The following TRPM3 variants were observed in gnomAD, a reference collection of about 807,000 sequenced individuals.
The protein encoded by TRPM3 is long transient receptor potential channel 3.
TRPM3 carries 77 observed loss-of-function variants against 181.2 expected under a neutral mutation model. That is an observed-to-expected ratio of 0.42 (90% confidence interval 0.35 to 0.51). The LOEUF is 0.51. Ranked by LOEUF, TRPM3 falls within the 20% of genes least tolerant of loss-of-function variation. The pLI is 0.01. For missense variants in TRPM3, 1,759 were observed against 2,196.7 expected (o/e 0.80, Z 3.98); for synonymous variants, 745 against 796.4 (o/e 0.94, Z 1.09).
chr9:71,094,423 T>A (rs550789451), intron 1 of TRPM3, among the ~76,000 whole-genome samples: 1 of 152,322 alleles, frequency 6.6e-6, no homozygotes, highest in Admixed American at 6.5e-5. Context: ...AAAATTTGAA[T>A]CGTCTTCTAG....
intron 1 of TRPM3, among the ~76,000 whole-genome samples, chr9:71,384,909 T>TA (rs2092891790): frequency 6.6e-6 from 1 of 152,150 alleles, no homozygotes; most frequent in Admixed American, 6.6e-5. Context: ...CTTCAGTTAA[T>TA]AAAAATCTTT....
Position 71,246,972 on chromosome 9 carries a change from T to C in TRPM3, c.183+199681A>G, listed in dbSNP as rs1002562881. Among the ~76,000 whole-genome samples the C allele has an allele frequency of 2.0e-5, 3 of 152,166 alleles. 1 individual carries two copies. The highest frequency in any genetic ancestry group is 7.2e-5 in the African/African-American group (3 of 41,442). ...GGAAACTATTTCAAACCCCAGACTGTTAAAGTGCTAGATTCAGGGAACAGA... is the reference window on the plus strand; with the variant it reads ...GGAAACTATTTCAAACCCCAGACTGCTAAAGTGCTAGATTCAGGGAACAGA... On this transcript the variant is annotated intron_variant, in intron 1 of 24. Coordinates refer to the TRPM3 transcript ENST00000357533.
chr9:70,741,586 A>T (rs1388450453), intron 8 of TRPM3, among the ~76,000 whole-genome samples: 3 of 152,178 alleles, frequency 2.0e-5, no homozygotes, highest in Non-Finnish European at 4.4e-5. Flanking sequence ...CCATCAATCA[A>T]CAAGTGGACA....
At chr9:70,669,679 G>A (rs1312856008) in intron 9 of TRPM3, among the ~76,000 whole-genome samples, 2 of 151,960 alleles carry the variant, frequency 1.3e-5, no homozygotes, top group Non-Finnish European at 2.9e-5. Flanking sequence ...GAACTACTCT[G>A]TCTGAAAAGA....
At chr9:71,394,797 A>G (rs1303243565) in intron 1 of TRPM3, among the ~76,000 whole-genome samples, 1 of 152,220 alleles carries the variant, frequency 6.6e-6, no homozygotes, top group Non-Finnish European at 1.5e-5. Context: ...CCAAGTCTAC[A>G]TCTTCTCCTA....
chr9:71,171,741 T>C (rs574787727), intron 1 of TRPM3, among the ~76,000 whole-genome samples: 7 of 152,330 alleles, frequency 4.6e-5, no homozygotes, highest in African/African-American at 1.7e-4. Context: ...TTACTCAGGC[T>C]GTGAACTGCA....
intron 8 of TRPM3, among the ~76,000 whole-genome samples, chr9:70,695,052 T>C (rs1013974323): frequency 2.0e-5 from 3 of 152,188 alleles, no homozygotes; most frequent in African/African-American, 7.2e-5. Context: ...TGCTCAAGCC[T>C]TTTACTGCAG....
chr9:70,616,880 G>A (rs769542538), intron 17 of TRPM3, among the ~76,000 whole-genome samples: 16 of 152,188 alleles, frequency 1.1e-4, no homozygotes, highest in African/African-American at 1.7e-4. Context: ...GAATGAACAA[G>A]TGTGTTTCTG....
chr9:70,818,551 C>G (rs1411252407), intron 6 of TRPM3, among the ~76,000 whole-genome samples: 1 of 152,130 alleles, frequency 6.6e-6, no homozygotes, highest in African/African-American at 2.4e-5. Flanking sequence ...AGGTGCTCAG[C>G]TTTGAGCACA....
intron 24 of TRPM3, among the ~76,000 whole-genome samples, chr9:70,551,024 A>T (rs2046336328): frequency 6.6e-6 from 1 of 152,214 alleles, no homozygotes; most frequent in African/African-American, 2.4e-5. Flanking sequence ...CTATTGCTAT[A>T]TTTGAGACTC....
chr9:71,231,737 C>T (rs1357171256), intron 1 of TRPM3, among the ~76,000 whole-genome samples: 5 of 152,128 alleles, frequency 3.3e-5, no homozygotes, highest in Admixed American at 3.3e-4. Flanking sequence ...ACTGGGTCAA[C>T]ACGGACATTA....
At chr9:70,783,972 A>AT (rs1379945518) in intron 7 of TRPM3, 133 bp downstream of exon 7, 5 of 1,456,958 alleles carry the variant, frequency 3.4e-6, no homozygotes, top group East Asian at 2.4e-5. Context: ...CATGACAGAC[A>AT]TTTTTTAGAC....
At chr9:71,344,607 G>A (rs1013388560) in intron 1 of TRPM3, among the ~76,000 whole-genome samples, 13 of 152,152 alleles carry the variant, frequency 8.5e-5, no homozygotes, top group African/African-American at 2.4e-4. Flanking sequence ...TACAGTGGAC[G>A]AACATAAAAG....
chr9:70,842,044 A>T (rs1422780138), intron 5 of TRPM3, among the ~76,000 whole-genome samples: 4 of 152,030 alleles, frequency 2.6e-5, no homozygotes, highest in East Asian at 1.9e-4. Context: ...TACATAAGAC[A>T]TCTGCATCTG....
intron 1 of TRPM3, among the ~76,000 whole-genome samples, chr9:70,873,540 T>A (rs2095825083): frequency 6.6e-6 from 1 of 152,030 alleles, no homozygotes; most frequent in Admixed American, 6.6e-5. Flanking sequence ...ACCATGTTGT[T>A]CTAGGCTTCT....
chr9:71,289,234 AGT>A (rs2085570192), intron 1 of TRPM3, among the ~76,000 whole-genome samples: 1 of 152,190 alleles, frequency 6.6e-6, no homozygotes, highest in Non-Finnish European at 1.5e-5. Flanking sequence ...ACAAATATTT[AGT>A]ATCTATAAAT....
chr9:70,663,252 T>C (rs893940091), intron 9 of TRPM3, among the ~76,000 whole-genome samples: 2 of 151,902 alleles, frequency 1.3e-5, no homozygotes, highest in Admixed American at 6.6e-5. Context: ...AGGTTGGGAG[T>C]GGGGTGAGGG....
chr9:70,881,644 G>T (rs1053656492), intron 1 of TRPM3, among the ~76,000 whole-genome samples: 2 of 152,152 alleles, frequency 1.3e-5, no homozygotes, highest in Non-Finnish European at 2.9e-5. Context: ...TTAATTTGTT[G>T]CTCTCAAATA....
chr9:71,406,815 T>C (rs1588885730), intron 1 of TRPM3, among the ~76,000 whole-genome samples: 1 of 152,058 alleles, frequency 6.6e-6, no homozygotes, highest in Non-Finnish European at 1.5e-5. Context: ...GGATCAAGGA[T>C]TGAACTCAAA....
Sources: gnomAD v4.1 joint callset for allele counts (sites outside exome capture counted in the v4.1 genomes callset) on GRCh38, gnomAD v4.1.1 for gene constraint, MANE v1.5 for transcripts, NCBI Gene and HGNC (gene_info 2026-07-23, HGNC 2026-07-21) for gene names.